Variants in DPYS observed in about 807,000 individuals in gnomAD.
The protein encoded by DPYS is dihydropyrimidinase, also known as dihydropyrimidine amidohydrolase.
In DPYS, 39 loss-of-function variants were observed where a neutral mutation model predicts 50.3. The observed-to-expected ratio is 0.78, with a 90% confidence interval of 0.60 to 1.01. DPYS has a LOEUF of 1.01. Among genes scored for constraint, DPYS ranks in the 50% least tolerant of loss-of-function variants. The pLI is 0.00. For synonymous variants in DPYS, 245 were observed against 250.7 expected (o/e 0.98, Z 0.22); for missense variants, 659 against 680.9 (o/e 0.97, Z 0.36).
At chr8:104,416,304 T>C (rs1016226590) in intron 7 of DPYS, among the ~76,000 whole-genome samples, 1 of 152,212 alleles carries the variant, frequency 6.6e-6, no homozygotes, top group African/African-American at 2.4e-5. Flanking sequence ...TGTATCTATA[T>C]CTAGCTACCT....
At chr8:104,428,777 G>A (rs1002053960) in intron 5 of DPYS, among the ~76,000 whole-genome samples, 1 of 152,104 alleles carries the variant, frequency 6.6e-6, no homozygotes, top group African/African-American at 2.4e-5. Flanking sequence ...TTGAGACTGA[G>A]TATCTGTGAA....
chr8:104,453,151 C>T (rs1385993356), intron 1 of DPYS, among the ~76,000 whole-genome samples: 2 of 152,100 alleles, frequency 1.3e-5, no homozygotes, highest in African/African-American at 2.4e-5. Flanking sequence ...TTTATTTTTC[C>T]TTAACTTACT....
intron 3 of DPYS, among the ~76,000 whole-genome samples, chr8:104,446,863 T>G (rs1813546945): frequency 6.6e-6 from 1 of 152,174 alleles, no homozygotes; most frequent in East Asian, 1.9e-4. Context: ...AGAGCACATT[T>G]TAATATCCAG....
At chr8:104,449,300 G>T (rs1286635077) in intron 2 of DPYS, among the ~76,000 whole-genome samples, 1 of 152,128 alleles carries the variant, frequency 6.6e-6, no homozygotes, top group Non-Finnish European at 1.5e-5. Context: ...GATCTGCATT[G>T]CTTACATGAA....
At chr8:104,429,215 T>A (rs376903670) in intron 5 of DPYS, 2 of 309,336 alleles carry the variant, frequency 6.5e-6, no homozygotes, top group South Asian at 3.7e-5. Context: ...TATATCAGCA[T>A]AGAAAAAAAT....
chr8:104,466,535 G>T (rs1421448438), intron 1 of DPYS, 122 bp downstream of exon 1: 5 of 1,162,294 alleles, frequency 4.3e-6, no homozygotes, highest in Non-Finnish European at 4.5e-6. Flanking sequence ...GCTCCTTCCC[G>T]CCCACCCAGC....
chr8:104,441,697 G>A (rs1188403990), intron 4 of DPYS, among the ~76,000 whole-genome samples: 1 of 152,196 alleles, frequency 6.6e-6, no homozygotes, highest in African/African-American at 2.4e-5. Flanking sequence ...CTGTGGCCTG[G>A]TGAGACCCAT....
intron 6 of DPYS, among the ~76,000 whole-genome samples, chr8:104,426,476 A>G (rs934179640): frequency 6.6e-6 from 1 of 152,230 alleles, no homozygotes; most frequent in African/African-American, 2.4e-5. Context: ...TGAGCCTCCA[A>G]CTAGAATGGT....
At chr8:104,393,038 A>G (rs1244754781) in intron 7 of DPYS, 47 bp from the exon 8 acceptor site, 1 of 1,541,066 alleles carries the variant, frequency 6.5e-7, no homozygotes. Flanking sequence ...TCACCAGCTC[A>G]CTTGATAAAT....
rs1353615437 is a variant in DPYS, at chr8:104,466,951, C to A, written c.-31G>T. 2.7e-6 allele frequency: 3 copies of A among 1,126,634 alleles called. No individual in the cohort carries two copies. The African/African-American group carries it at 5.0e-5, about 19-fold the overall frequency. The allele number at this position is 1,126,634 out of a possible 1,614,324, so 69.8% of individuals were successfully genotyped here. On this transcript the variant is annotated 5_prime_UTR_variant, in exon 1 of 10. Coordinates refer to ENST00000351513, the MANE Select transcript of DPYS (RefSeq NM_001385.3). ...GGGGCGCGCGGGGTCCTACTCGGCCCGGGCTGCGCGCAGGGGCTGGGTTGG... is the reference window on the plus strand; with the variant it reads ...GGGGCGCGCGGGGTCCTACTCGGCCAGGGCTGCGCGCAGGGGCTGGGTTGG...
chr8:104,390,479 G>C (rs968721004), intron 8 of DPYS, among the ~76,000 whole-genome samples: 2 of 150,938 alleles, frequency 1.3e-5, no homozygotes, highest in African/African-American at 4.9e-5. Context: ...TTAATTTCTT[G>C]AAGCTTCAGT....
intron 1 of DPYS, 110 bp from the exon 2 acceptor site, chr8:104,451,514 A>C: frequency 1.5e-6 from 2 of 1,354,802 alleles, no homozygotes; most frequent in Non-Finnish European, 2.1e-6. Flanking sequence ...CGATGGGTCC[A>C]GGAAATTGCA....
chr8:104,457,791 A>G (rs942242459), intron 1 of DPYS, among the ~76,000 whole-genome samples: 6 of 152,224 alleles, frequency 3.9e-5, no homozygotes, highest in African/African-American at 1.4e-4. Context: ...ATTCCTGTCC[A>G]TGCTTGGCTT....
chr8:104,413,438 G>A (rs772415921), intron 7 of DPYS, among the ~76,000 whole-genome samples: 9 of 152,048 alleles, frequency 5.9e-5, no homozygotes, highest in Non-Finnish European at 1.3e-4. Flanking sequence ...TTGTTGAGAT[G>A]AGGAAGGAGA....
chr8:104,444,294 C>A lies in DPYS; in HGVS notation c.747G>T (p.Val249=). ...AVNCPLYIVH[V]MSKSAAKVIA... is the part of the protein sequence containing the mutation. ...TCACCTTAGCTGCAGACTTGCTCATCACATGCACAATGTAGAGAGGACAGT... is the reference window on the plus strand; with the variant it reads ...TCACCTTAGCTGCAGACTTGCTCATAACATGCACAATGTAGAGAGGACAGT... Residue 249 remains valine (V), a synonymous_variant, in exon 4 of 10, where the codon GTG becomes GTT. Transcript: ENST00000351513. 1 of 1,614,228 alleles carries A rather than the reference C, an allele frequency of 6.2e-7. No homozygotes were observed. The highest frequency in any genetic ancestry group is 8.5e-7 in the Non-Finnish European group (1 of 1,180,040).
chr8:104,386,283 A>G (rs1445552192), intron 8 of DPYS, among the ~76,000 whole-genome samples: 3 of 152,192 alleles, frequency 2.0e-5, no homozygotes, highest in African/African-American at 7.2e-5. Flanking sequence ...CTATAATCCA[A>G]GCACTTTGGG....
chr8:104,410,192 T>C (rs898455948), intron 7 of DPYS, among the ~76,000 whole-genome samples: 2 of 152,172 alleles, frequency 1.3e-5, no homozygotes, highest in Admixed American at 6.5e-5. Context: ...CTAAATTAAC[T>C]CCTTTTTTCC....
At chr8:104,391,912 C>T (rs1811400047) in intron 8 of DPYS, among the ~76,000 whole-genome samples, 1 of 151,954 alleles carries the variant, frequency 6.6e-6, no homozygotes, top group Non-Finnish European at 1.5e-5. Flanking sequence ...TGCTTTGGGC[C>T]ATGCCTTTCA....
At chr8:104,448,126 G>A (rs1813604908) in intron 2 of DPYS, among the ~76,000 whole-genome samples, 1 of 151,324 alleles carries the variant, frequency 6.6e-6, no homozygotes, top group Admixed American at 6.6e-5. Flanking sequence ...TCAGGGGCAA[G>A]TTAGTATCAA....
Sources: allele counts gnomAD v4.1 joint callset (sites outside exome capture counted in the v4.1 genomes callset), GRCh38; gene constraint gnomAD v4.1.1; transcripts MANE v1.5; gene names NCBI Gene and HGNC (gene_info 2026-07-23, HGNC 2026-07-21).